Variants in CHD9 observed in about 807,000 individuals in gnomAD.
CHD9 encodes ATP-dependent chromatin remodeler CHD9.
CHD9 carries 77 observed loss-of-function variants against 316.1 expected under a neutral mutation model. The observed-to-expected ratio is 0.24, with a 90% CI of 0.20 to 0.29. The LOEUF (loss-of-function observed/expected upper bound fraction) is 0.29. Among genes scored for constraint, CHD9 ranks in the 10% least tolerant of loss-of-function variants. The pLI, the probability that CHD9 is intolerant of heterozygous loss-of-function variation, is 1.00. For synonymous variants in CHD9, 1,129 were observed against 1,158.3 expected (o/e 0.97, Z 0.51); for missense variants, 2,763 against 3,438.1 (o/e 0.80, Z 4.91).
Position 53,307,905 on chromosome 16 carries a change from G to A in CHD9, c.7005G>A (p.Lys2335=). 6.2e-7 allele frequency: 1 copy of A among 1,613,422 alleles called. No homozygotes were observed. The highest frequency in any genetic ancestry group is 8.5e-7 in the Non-Finnish European group (1 of 1,179,690). Residue 2335 remains lysine (K), a synonymous_variant, in exon 33 of 39, where the codon AAG becomes AAA. Coordinates refer to ENST00000447540, the MANE Select transcript of CHD9 (RefSeq NM_001308319.2). Reference sequence around the variant, plus strand: ...ATGATCAGTCAACACAGATGTCAAAGGTGAAGAAGCATGTACGAGAAAAGG... The same window carrying A: ...ATGATCAGTCAACACAGATGTCAAAAGTGAAGAAGCATGTACGAGAAAAGG... ...EEHDQSTQMS[K]VKKHVREKEF... is the part of the protein sequence containing the mutation.
chr16:53,098,150 C>G (rs2036536448), intron 1 of CHD9, among the ~76,000 whole-genome samples: 1 of 151,608 alleles, frequency 6.6e-6, no homozygotes, highest in Non-Finnish European at 1.5e-5. Flanking sequence ...ACTGTTTTTT[C>G]AGGTTTCAGA....
At chr16:53,093,910 A>G (rs1284767911) in intron 1 of CHD9, among the ~76,000 whole-genome samples, 2 of 152,166 alleles carry the variant, frequency 1.3e-5, no homozygotes, top group Non-Finnish European at 2.9e-5. Context: ...AGAACCAGGG[A>G]CTGGCTTTGG....
At chr16:53,193,047 C>G (rs187352580) in intron 2 of CHD9, among the ~76,000 whole-genome samples, 74 of 152,094 alleles carry the variant, frequency 4.9e-4, no homozygotes, top group Non-Finnish European at 8.8e-5. Context: ...TAAAAAAATA[C>G]TAAACTGTTG....
At chr16:53,092,118 C>G (rs1052023913) in intron 1 of CHD9, among the ~76,000 whole-genome samples, 2 of 152,308 alleles carry the variant, frequency 1.3e-5, no homozygotes, top group African/African-American at 2.4e-5. Flanking sequence ...ATACTTCCCC[C>G]CCAGCTGTGG....
At chr16:53,319,417 G>A (rs1300652483) in intron 37 of CHD9, among the ~76,000 whole-genome samples, 1 of 152,162 alleles carries the variant, frequency 6.6e-6, no homozygotes, top group Non-Finnish European at 1.5e-5. Flanking sequence ...TTTTAATATT[G>A]TTGGGTACAC....
rs115595722 is a variant in CHD9 at position 53,082,890 on chromosome 16, C to A, written c.-165+27813C>A. ...TCAGGTAAGCTTCCTCCTCCATGCCCTCCCTCTTTGTGTCCTCTATCTGAG... is the reference window on the plus strand; with the variant it reads ...TCAGGTAAGCTTCCTCCTCCATGCCATCCCTCTTTGTGTCCTCTATCTGAG... On this transcript the variant is annotated intron_variant, in intron 1 of 38. Transcript: ENST00000447540. 2.3e-3 allele frequency among the ~76,000 whole-genome samples: 355 copies of A among 152,320 alleles called. 2 individuals carry two copies. The highest frequency in any genetic ancestry group is 7.9e-3 in the African/African-American group (328 of 41,572).
At chr16:53,174,590 A>G (rs2042981661) in intron 2 of CHD9, among the ~76,000 whole-genome samples, 1 of 151,684 alleles carries the variant, frequency 6.6e-6, no homozygotes. Flanking sequence ...CTGCCCTTGT[A>G]CTTTTAACCT....
intron 20 of CHD9, among the ~76,000 whole-genome samples, chr16:53,265,186 A>G (rs1006746169): frequency 7.2e-5 from 11 of 152,102 alleles, no homozygotes; most frequent in Non-Finnish European, 1.6e-4. Flanking sequence ...GGATTGGTTG[A>G]AGCTAGGAGT....
chr16:53,108,293 T>C (rs1403909793), intron 1 of CHD9, among the ~76,000 whole-genome samples: 1 of 151,896 alleles, frequency 6.6e-6, no homozygotes, highest in African/African-American at 2.4e-5. Flanking sequence ...CTTGAGCTCA[T>C]GAGTTTGAGA....
intron 2 of CHD9, among the ~76,000 whole-genome samples, chr16:53,179,679 CT>C (rs1465892641): frequency 6.6e-6 from 1 of 152,004 alleles, no homozygotes; most frequent in Non-Finnish European, 1.5e-5. Flanking sequence ...GGCAGATCAC[CT>C]GAGGTCAGGA....
chr16:53,191,587 T>C (rs902039201), intron 2 of CHD9, among the ~76,000 whole-genome samples: 7 of 152,162 alleles, frequency 4.6e-5, no homozygotes, highest in African/African-American at 1.4e-4. Context: ...GATTCAGTCA[T>C]GTTGTCTAAG....
Position 53,292,916 on chromosome 16 carries a change from T to C in CHD9, c.5374T>C (p.Tyr1792His), listed in dbSNP as rs780616362. 1 of 1,613,800 alleles carries C rather than the reference T, an allele frequency of 6.2e-7. No homozygotes were observed. Among genetic ancestry groups the C allele is most frequent in the South Asian group, 1.1e-5 (1 of 91,080 alleles). The change falls in exon 29 of 39, where the codon TAC (tyrosine) becomes CAC (histidine). Residue 1792 changes from tyrosine to histidine, a missense_variant. Physicochemically the swap from Tyr to His is moderately conservative, Grantham distance 83 (BLOSUM62 2). Coordinates refer to ENST00000447540, the MANE Select transcript of CHD9 (RefSeq NM_001308319.2). The stretch of plus-strand genomic sequence containing the variant: ...ACGTTTGAGGCGTCTCATCACTGCA[T>C]ACCAGCGTACTAATAAAAACAGACA... ...TTRLRRLITA[Y>H]QRTNKNRQIQ...
At position 53,267,394 on chromosome 16, in the gene CHD9, G is replaced by C; in HGVS notation, c.4421G>C (p.Gly1474Ala). 1.2e-6 allele frequency: 2 copies of C among 1,613,068 alleles called. No individual in the cohort carries two copies. The highest frequency in any genetic ancestry group is 1.7e-6 in the Non-Finnish European group (2 of 1,179,354). ...LAELSEAESEGDEKPKLRRPC... is the reference protein window; with the variant it reads ...LAELSEAESEADEKPKLRRPC... ...GAATTATCTGAAGCTGAAAGTGAAG[G>C]AGATGAAAAGCCCAAACTCCGGAGA... Residue 1474 changes from glycine (G) to alanine (A), a missense_variant, in exon 21 of 39, where the codon GGA becomes GCA. Gly to Ala is a moderately conservative substitution (Grantham distance 60, BLOSUM62 0). This residue lies in a region of CHD9 where 199 missense variants were observed against 251.7 expected (regional missense o/e 0.79). Transcript: ENST00000447540.
chr16:53,227,538 C>A lies in CHD9; in HGVS notation c.2113-10C>A. Reference sequence around the variant, plus strand: ...TAAAAGAGTCACCATTACTGATTTTCTTTTCTTAGATATCACCTGGAGTGA... The same window carrying A: ...TAAAAGAGTCACCATTACTGATTTTATTTTCTTAGATATCACCTGGAGTGA... On this transcript the variant is annotated splice_polypyrimidine_tract_variant and intron_variant, in intron 6 of 38. Transcript: ENST00000447540. The A allele has an allele frequency of 6.8e-7, 1 of 1,470,206 alleles. No homozygotes were observed. Among genetic ancestry groups the A allele is most frequent in the South Asian group, 1.3e-5 (1 of 75,708 alleles). The allele number at this position is 1,470,206 out of a possible 1,614,324, so 91.1% of individuals were successfully genotyped here.
chr16:53,108,676 A>G lies in CHD9; in HGVS notation c.-164-47250A>G, dbSNP rs147265030. The stretch of plus-strand genomic sequence containing the variant: ...GATCACCTGAGATCAGGAGTTTGAG[A>G]TCAGCCTGGCCAACATGGTGAAACC... On this transcript the variant is annotated intron_variant, in intron 1 of 38. Transcript: ENST00000447540. 6.9e-3 allele frequency among the ~76,000 whole-genome samples: 1,054 copies of G among 152,124 alleles called. 9 individuals carry two copies. The highest frequency in any genetic ancestry group is 0.024 in the African/African-American group (1,016 of 41,478).
intron 2 of CHD9, among the ~76,000 whole-genome samples, chr16:53,186,278 G>GGA (rs2043999470): frequency 1.3e-5 from 2 of 152,188 alleles, no homozygotes; most frequent in Non-Finnish European, 2.9e-5. Context: ...TGGAGTCAAA[G>GGA]GAGATCATTT....
intron 1 of CHD9, among the ~76,000 whole-genome samples, chr16:53,151,526 G>T (rs766583547): frequency 6.6e-6 from 1 of 152,012 alleles, no homozygotes; most frequent in Non-Finnish European, 1.5e-5. Flanking sequence ...AGAGTGCTGG[G>T]ATTACAGGCG....
At chr16:53,109,108 G>T (rs1285717516) in intron 1 of CHD9, among the ~76,000 whole-genome samples, 1 of 152,080 alleles carries the variant, frequency 6.6e-6, no homozygotes, top group Non-Finnish European at 1.5e-5. Context: ...CCTTAAGAAT[G>T]GTTCCTATCT....
chr16:53,319,806 G>A, intron 37 of CHD9: 2 of 1,256,806 alleles, frequency 1.6e-6, no homozygotes, highest in Non-Finnish European at 1.0e-6. Context: ...GAGTCTCTCG[G>A]GTACAGGCTT....
Sources: gnomAD v4.1 joint callset for allele counts (sites outside exome capture counted in the v4.1 genomes callset) on GRCh38, gnomAD v4.1.1 for gene constraint, gnomAD v4.1.1 regional missense constraint, MANE v1.5 for transcripts, NCBI Gene and HGNC (gene_info 2026-07-23, HGNC 2026-07-21) for gene names.